The following DLGAP2 variants were observed in gnomAD, a reference collection of about 807,000 sequenced individuals.
DLGAP2 encodes disks large-associated protein 2.
Under a neutral mutation model 100.3 loss-of-function variants are expected in DLGAP2, and 26 were observed. The ratio of observed to expected loss-of-function variants is 0.26; its 90% CI spans 0.19 to 0.36. The LOEUF (loss-of-function observed/expected upper bound fraction) is 0.36. DLGAP2 is among the 10% of genes least tolerant of loss of function. The probability of loss-of-function intolerance (pLI) is 1.00; values close to 1 mark genes in which losing one functional copy is unlikely to be tolerated. For synonymous variants in DLGAP2, 886 were observed against 630.1 expected (o/e 1.41, Z -6.08); for missense variants, 1,858 against 1,453.2 (o/e 1.28, Z -4.53).
chr8:1,101,143 C>T (rs949674437), intron 2 of DLGAP2, among the ~76,000 whole-genome samples: 1 of 152,212 alleles, frequency 6.6e-6, no homozygotes, highest in Non-Finnish European at 1.5e-5. Context: ...CACTGATGGG[C>T]ATGGCAGACG....
intron 6 of DLGAP2, among the ~76,000 whole-genome samples, chr8:1,568,450 C>G (rs954820419): frequency 6.7e-6 from 1 of 148,850 alleles, no homozygotes; most frequent in Non-Finnish European, 1.5e-5. Flanking sequence ...TGCCCGTGGC[C>G]CCCGTGCCAC....
At chr8:1,164,457 C>T (rs991771325) in intron 2 of DLGAP2, among the ~76,000 whole-genome samples, 15 of 150,158 alleles carry the variant, frequency 1.0e-4, no homozygotes, top group African/African-American at 3.7e-4. Flanking sequence ...GAGGCGATGG[C>T]CTGGCTCTCA....
intron 3 of DLGAP2, among the ~76,000 whole-genome samples, chr8:1,429,069 G>C (rs1478187705): frequency 6.6e-6 from 1 of 152,184 alleles, no homozygotes. Context: ...CACTTCTCTA[G>C]GGCTTCAGAG....
intron 2 of DLGAP2, among the ~76,000 whole-genome samples, chr8:1,113,808 A>C (rs998757160): frequency 5.9e-5 from 9 of 152,172 alleles, no homozygotes; most frequent in African/African-American, 2.2e-4. Context: ...GCTTTTACCT[A>C]TGCAGTATGA....
At chr8:1,632,166 G>C (rs1797663661) in intron 7 of DLGAP2, among the ~76,000 whole-genome samples, 1 of 152,040 alleles carries the variant, frequency 6.6e-6, no homozygotes, top group African/African-American at 2.4e-5. Context: ...CCTAAGCTAA[G>C]GAAGAATAAA....
At chr8:914,832 T>C (rs769434129) in intron 2 of DLGAP2, among the ~76,000 whole-genome samples, 27 of 152,228 alleles carry the variant, frequency 1.8e-4, no homozygotes, top group African/African-American at 6.0e-4. Flanking sequence ...TTTAATGATA[T>C]ACCAGTGTAA....
intron 3 of DLGAP2, among the ~76,000 whole-genome samples, chr8:1,377,554 A>T (rs1183072200): frequency 6.6e-6 from 1 of 152,084 alleles, no homozygotes; most frequent in Non-Finnish European, 1.5e-5. Flanking sequence ...AAAAAAATAA[A>T]TAAAATAAAA....
chr8:1,333,575 C>A (rs1801206544), intron 3 of DLGAP2, among the ~76,000 whole-genome samples: 1 of 152,146 alleles, frequency 6.6e-6, no homozygotes, highest in South Asian at 2.1e-4. Context: ...ACCTCCATTG[C>A]CTGAGCACTG....
intron 2 of DLGAP2, among the ~76,000 whole-genome samples, chr8:996,498 T>C (rs985070899): frequency 6.6e-6 from 1 of 152,182 alleles, no homozygotes; most frequent in Non-Finnish European, 1.5e-5. Flanking sequence ...GGCCGGAGGC[T>C]CAGGTTTGTG....
chr8:812,200 A>T (rs892235114), intron 1 of DLGAP2, among the ~76,000 whole-genome samples: 2 of 152,084 alleles, frequency 1.3e-5, no homozygotes, highest in African/African-American at 4.8e-5. Flanking sequence ...CAGGCAGGAG[A>T]CCCAGGGAGG....
At chr8:1,384,142 T>A (rs530238701) in intron 3 of DLGAP2, among the ~76,000 whole-genome samples, 5 of 152,394 alleles carry the variant, frequency 3.3e-5, no homozygotes, top group Non-Finnish European at 7.3e-5. Flanking sequence ...AGGCCAGGTC[T>A]GTATTTTTTA....
chr8:1,335,010 T>C (rs962146605), intron 3 of DLGAP2, among the ~76,000 whole-genome samples: 1 of 152,318 alleles, frequency 6.6e-6, no homozygotes, highest in Middle Eastern at 3.4e-3. Flanking sequence ...AGAAATCTTA[T>C]AAGCATCTAA....
intron 2 of DLGAP2, among the ~76,000 whole-genome samples, chr8:916,956 C>T (rs981769407): frequency 6.6e-6 from 1 of 152,200 alleles, no homozygotes; most frequent in Non-Finnish European, 1.5e-5. Flanking sequence ...ACAGCCTGGG[C>T]CATAGCCTTC....
chr8:1,422,793 G>T (rs1485982918), intron 3 of DLGAP2, among the ~76,000 whole-genome samples: 1 of 152,094 alleles, frequency 6.6e-6, no homozygotes, highest in African/African-American at 2.4e-5. Context: ...AAGGCTGAGG[G>T]CATGGGAGTG....
At chr8:1,506,420 G>A (rs564528672) in intron 4 of DLGAP2, among the ~76,000 whole-genome samples, 104 of 152,298 alleles carry the variant, frequency 6.8e-4, no homozygotes, top group African/African-American at 2.4e-3. Flanking sequence ...TTAATGTTCA[G>A]ACGTTTTTGG....
intron 3 of DLGAP2, among the ~76,000 whole-genome samples, chr8:1,467,269 C>G (rs1457648226): frequency 1.3e-5 from 2 of 152,132 alleles, no homozygotes; most frequent in East Asian, 3.9e-4. Context: ...CCCAGCCCCA[C>G]TGCACCCTCA....
In DLGAP2 at chr8:872,137, C is replaced by T. The variant is rs1797610615; in HGVS notation, c.19-35775C>T. Among the ~76,000 whole-genome samples, 5 of 152,126 alleles carry T rather than the reference C, an allele frequency of 3.3e-5. No individual in the cohort carries two copies. The South Asian group carries it at 8.3e-4, about 25-fold the overall frequency. On this transcript the variant is annotated intron_variant, in intron 1 of 14. Transcript: ENST00000637795. ...TTATGCTATGTGTGTATTTAGTGAG[C>T]TTTCTTCTCATTTTTCTCCAGAAAT...
rs1021306884 is a variant in DLGAP2 at position 976,386 on chromosome 8, C to T, written c.73+68420C>T. Among the ~76,000 whole-genome samples, 7 of 151,958 alleles carry T rather than the reference C, an allele frequency of 4.6e-5. No homozygotes were observed. The South Asian group carries it at 8.3e-4, about 18-fold the overall frequency. ...TAGCACTTTGGGAGATCGAGGCGGGCGGATCACAAGGTCAGGAGATCGAGA... is the reference window on the plus strand; with the variant it reads ...TAGCACTTTGGGAGATCGAGGCGGGTGGATCACAAGGTCAGGAGATCGAGA... On this transcript the variant is annotated intron_variant, in intron 2 of 14. Coordinates refer to ENST00000637795, the MANE Select transcript of DLGAP2 (RefSeq NM_001346810.2).
chr8:944,197 G>A (rs1476491267), intron 2 of DLGAP2, among the ~76,000 whole-genome samples: 4 of 152,174 alleles, frequency 2.6e-5, no homozygotes, highest in African/African-American at 7.2e-5. Flanking sequence ...ACCCGTCCCT[G>A]TGAGTGATTC....
Sources: gnomAD v4.1 joint callset for allele counts (sites outside exome capture counted in the v4.1 genomes callset) on GRCh38, gnomAD v4.1.1 for gene constraint, MANE v1.5 for transcripts, NCBI Gene and HGNC (gene_info 2026-07-23, HGNC 2026-07-21) for gene names.